Variants in FLRT2 observed in about 807,000 individuals in gnomAD.
FLRT2 encodes the protein leucine-rich repeat transmembrane protein FLRT2.
A neutral mutation model predicts 40.0 loss-of-function variants in FLRT2; 15 were observed. The ratio of observed to expected loss-of-function variants is 0.38; its 90% CI spans 0.25 to 0.58. The LOEUF (loss-of-function observed/expected upper bound fraction) is 0.58, where lower values mean the gene tolerates loss of function less well. FLRT2 is among the 20% of genes least tolerant of loss of function. FLRT2 has a pLI of 0.71. For missense variants in FLRT2, 726 were observed against 840.0 expected (o/e 0.86, Z 1.68); for synonymous variants, 380 against 336.8 (o/e 1.13, Z -1.41).
chr14:85,590,086 A>T (rs1297263100), intron 1 of FLRT2, among the ~76,000 whole-genome samples: 2 of 149,836 alleles, frequency 1.3e-5, no homozygotes, highest in Non-Finnish European at 1.5e-5. Flanking sequence ...ACATAACATT[A>T]TAGACCTTTT....
chr14:85,560,682 C>G (rs887046996), intron 1 of FLRT2, among the ~76,000 whole-genome samples: 3 of 151,346 alleles, frequency 2.0e-5, no homozygotes, highest in Admixed American at 2.0e-4. Context: ...TCTTCACACA[C>G]AGAATGTATG....
At chr14:85,532,027 A>G (rs1258053486) in intron 1 of FLRT2, among the ~76,000 whole-genome samples, 1 of 152,238 alleles carries the variant, frequency 6.6e-6, no homozygotes, top group Non-Finnish European at 1.5e-5. Context: ...TAGACACAAC[A>G]GGGATGCGAA....
chr14:85,548,346 A>C (rs1323419294), intron 1 of FLRT2, among the ~76,000 whole-genome samples: 1 of 152,240 alleles, frequency 6.6e-6, no homozygotes, highest in African/African-American at 2.4e-5. Flanking sequence ...TCTCCATGGA[A>C]TCTTTTCCAA....
At chr14:85,539,504 C>T (rs1395397943) in intron 1 of FLRT2, among the ~76,000 whole-genome samples, 2 of 151,984 alleles carry the variant, frequency 1.3e-5, no homozygotes, top group Non-Finnish European at 2.9e-5. Flanking sequence ...ACGTATTTGG[C>T]ACTTTGTGGT....
intron 1 of FLRT2, among the ~76,000 whole-genome samples, chr14:85,614,217 C>T (rs1893020804): frequency 6.6e-6 from 1 of 152,146 alleles, no homozygotes; most frequent in Non-Finnish European, 1.5e-5. Context: ...CTGTTCAGGT[C>T]CTCTGTCTCC....
chr14:85,564,007 C>A (rs1890497866), intron 1 of FLRT2, among the ~76,000 whole-genome samples: 1 of 152,148 alleles, frequency 6.6e-6, no homozygotes, highest in South Asian at 2.1e-4. Flanking sequence ...ACATTTGACA[C>A]TTACGTGGAC....
At chr14:85,612,577 A>G (rs1007728719) in intron 1 of FLRT2, among the ~76,000 whole-genome samples, 2 of 152,148 alleles carry the variant, frequency 1.3e-5, no homozygotes, top group African/African-American at 4.8e-5. Context: ...TCCTTGAAAG[A>G]AGGAGAGGGT....
chr14:85,588,834 T>C (rs1891757372), intron 1 of FLRT2, among the ~76,000 whole-genome samples: 1 of 152,228 alleles, frequency 6.6e-6, no homozygotes, highest in Non-Finnish European at 1.5e-5. Flanking sequence ...TCAATTGTTT[T>C]GATTTTTAGA....
In FLRT2 at chr14:85,648,956, TG is replaced by T; in HGVS notation, c.*25460del. Reference sequence around the variant, plus strand: ...ATGTGTGAGCAGTCACAGAATTCACTGATCTATTATAATTTACCAATTCCTT... The same window carrying T: ...ATGTGTGAGCAGTCACAGAATTCACTATCTATTATAATTTACCAATTCCTT... On this transcript the variant is annotated 3_prime_UTR_variant, in exon 2 of 2. Coordinates refer to ENST00000330753, the MANE Select transcript of FLRT2 (RefSeq NM_013231.6). 1 of 152,188 alleles carries T rather than the reference TG, an allele frequency of 6.6e-6. No individual in the cohort carries two copies. The highest frequency in any genetic ancestry group is 1.5e-5 in the Non-Finnish European group (1 of 68,026). The allele number at this position is 152,188 out of a possible 1,614,324, so 9.4% of individuals were successfully genotyped here.
chr14:85,566,083 A>G (rs1890603260), intron 1 of FLRT2, among the ~76,000 whole-genome samples: 1 of 152,198 alleles, frequency 6.6e-6, no homozygotes. Flanking sequence ...GCCAACAAGT[A>G]AACCTGTATA....
At position 85,577,073 on chromosome 14, in the gene FLRT2, C is replaced by A. The variant is rs111584296; in HGVS notation, c.-376-44066C>A. ...ATGGAAATTCAAACCTCAAAATAAA[C>A]GATGAGCGATTTGTAATGCATTACC... On this transcript the variant is annotated intron_variant, in intron 1 of 1. Transcript: ENST00000330753. 1.7e-3 allele frequency among the ~76,000 whole-genome samples: 257 copies of A among 152,220 alleles called. 3 individuals carry two copies. The highest frequency in any genetic ancestry group is 0.01 in the Middle Eastern group (3 of 294).
intron 1 of FLRT2, among the ~76,000 whole-genome samples, chr14:85,590,107 T>C (rs1366075397): frequency 6.6e-6 from 1 of 151,998 alleles, no homozygotes; most frequent in East Asian, 1.9e-4. Flanking sequence ...GAGCTCTTTG[T>C]TGTAGGATGC....
In FLRT2 at chr14:85,635,596, T is replaced by C. The variant is rs971182055; in HGVS notation, c.*12099T>C. 3.9e-5 allele frequency: 6 copies of C among 152,216 alleles called. No homozygotes were observed. The highest frequency in any genetic ancestry group is 9.6e-5 in the African/African-American group (4 of 41,568). The allele number at this position is 152,216 out of a possible 1,614,324, so 9.4% of individuals were successfully genotyped here. A position where few individuals can be genotyped will look rare whatever the true frequency, so the allele number is the denominator to read the frequency against. On this transcript the variant is annotated 3_prime_UTR_variant, in exon 2 of 2. Transcript: ENST00000330753. The stretch of plus-strand genomic sequence containing the variant: ...CTAATATTTGACAGAGAAAGAATTA[T>C]GAGAATAGCTAGAAAATATTAAATA...
intron 1 of FLRT2, among the ~76,000 whole-genome samples, chr14:85,608,251 A>G (rs558243528): frequency 6.7e-6 from 1 of 150,228 alleles, no homozygotes; most frequent in Non-Finnish European, 1.5e-5. Context: ...CTTTTTTGAG[A>G]CAGAGTCTCA....
chr14:85,582,914 C>G (rs1204272568), intron 1 of FLRT2, among the ~76,000 whole-genome samples: 1 of 151,474 alleles, frequency 6.6e-6, no homozygotes, highest in Non-Finnish European at 1.5e-5. Flanking sequence ...ATAGTTTTTA[C>G]TATATATTTC....
chr14:85,589,556 TG>T (rs1891788364), intron 1 of FLRT2, among the ~76,000 whole-genome samples: 1 of 152,176 alleles, frequency 6.6e-6, no homozygotes, highest in African/African-American at 2.4e-5. Context: ...TCCCATTCTG[TG>T]GGTATGTCTC....
In FLRT2 at chr14:85,640,714, A is replaced by G. The variant is rs1174998992; in HGVS notation, c.*17217A>G. ...TCAGTCTTTGCTATTAGAGTCGAGC[A>G]TCTCTGCAAAGAGATTTGAGCCCCT... On this transcript the variant is annotated 3_prime_UTR_variant, in exon 2 of 2. Coordinates refer to ENST00000330753, the MANE Select transcript of FLRT2 (RefSeq NM_013231.6). 1 of 152,234 alleles carries G rather than the reference A, an allele frequency of 6.6e-6. No homozygotes were observed. The highest frequency in any genetic ancestry group is 1.5e-5 in the Non-Finnish European group (1 of 68,050). 9.4% of individuals were successfully genotyped at this position (152,234 alleles called of 1,614,324 possible).
intron 1 of FLRT2, among the ~76,000 whole-genome samples, chr14:85,556,361 C>T (rs574773899): frequency 4.0e-4 from 61 of 152,232 alleles, no homozygotes; most frequent in African/African-American, 1.3e-3. Context: ...CCTCCATTTC[C>T]CATACAAGTA....
chr14:85,611,073 T>C (rs1392143951), intron 1 of FLRT2, among the ~76,000 whole-genome samples: 4 of 152,110 alleles, frequency 2.6e-5, no homozygotes, highest in Non-Finnish European at 5.9e-5. Context: ...TTTTTGTATT[T>C]TTAGTAGAGA....
Sources: gnomAD v4.1 joint callset for allele counts (sites outside exome capture counted in the v4.1 genomes callset) on GRCh38, gnomAD v4.1.1 for gene constraint, MANE v1.5 for transcripts, NCBI Gene and HGNC (gene_info 2026-07-23, HGNC 2026-07-21) for gene names.